The following ZNF608 variants were observed in gnomAD, a reference collection of about 807,000 sequenced individuals.
The protein encoded by ZNF608 is zinc finger protein 608.
ZNF608 carries 12 observed loss-of-function variants against 109.0 expected under a neutral mutation model. The ratio of observed to expected loss-of-function variants is 0.11; its 90% CI spans 0.07 to 0.18. The LOEUF is 0.18. Ranked by LOEUF, ZNF608 falls within the 10% of genes least tolerant of loss-of-function variation. The pLI, the probability that ZNF608 is intolerant of heterozygous loss-of-function variation, is 1.00. For synonymous variants in ZNF608, 732 were observed against 717.4 expected, an observed-to-expected ratio of 1.02 and a Z score of -0.33; for missense variants, 1,707 against 1,879.3, an observed-to-expected ratio of 0.91 and a Z score of 1.70.
At position 124,701,198 on chromosome 5, in the gene ZNF608, G is replaced by A. The variant is rs201535398; in HGVS notation, c.978C>T (p.Pro326=). Reference sequence around the variant, plus strand: ...TGGATGAAGATGGGGAAAAGTAGGAGGGTAGAATCTGAGGCGTGAGACTGC... The same window carrying A: ...TGGATGAAGATGGGGAAAAGTAGGAAGGTAGAATCTGAGGCGTGAGACTGC... ...ISSSLTPQIL[P]SYFSPSSSNI... is the part of the protein sequence containing the mutation. The change falls in exon 3 of 10, where the codon CCC becomes CCT. Residue 326 remains proline, a synonymous_variant. Transcript: ENST00000513986. The A allele has an allele frequency of 1.6e-5, 26 of 1,614,146 alleles. No homozygotes were observed. The highest frequency in any genetic ancestry group is 1.9e-5 in the Non-Finnish European group (22 of 1,180,024).
chr5:124,713,695 A>G (rs6876829), intron 2 of ZNF608, among the ~76,000 whole-genome samples: 27,760 of 148,668 alleles, frequency 0.19, 2,767 homozygotes, highest in Admixed American at 0.28. Context: ...CCATTTACAG[A>G]AAAAATTTGC....
intron 2 of ZNF608, among the ~76,000 whole-genome samples, chr5:124,718,406 C>G (rs1444689020): frequency 6.6e-6 from 1 of 152,168 alleles, no homozygotes; most frequent in Non-Finnish European, 1.5e-5. Flanking sequence ...CAGAATTGTA[C>G]GAACTCTTTG....
At chr5:124,644,168 T>A in intron 6 of ZNF608, 76 bp downstream of exon 6, 1 of 1,330,758 alleles carries the variant, frequency 7.5e-7, no homozygotes, top group Non-Finnish European at 1.0e-6. Flanking sequence ...AGCTTCTAAT[T>A]TATCTTGAGT....
chr5:124,649,900 G>C (rs1002181337), intron 3 of ZNF608, among the ~76,000 whole-genome samples: 1 of 152,192 alleles, frequency 6.6e-6, no homozygotes, highest in Non-Finnish European at 1.5e-5. Flanking sequence ...TTGTGCATTC[G>C]TGCGCGTGCG....
At chr5:124,735,773 T>A (rs1749114379) in intron 2 of ZNF608, among the ~76,000 whole-genome samples, 1 of 152,206 alleles carries the variant, frequency 6.6e-6, no homozygotes, top group Non-Finnish European at 1.5e-5. Context: ...TGGAGTTGGA[T>A]GCGGAGAGGC....
rs1247565459 is a variant in ZNF608 at position 124,744,038 on chromosome 5, GCACA to G, written c.906+42_906+45del. 1 of 1,535,222 alleles carries G rather than the reference GCACA, an allele frequency of 6.5e-7. No homozygotes were observed. Among genetic ancestry groups the G allele is most frequent in the Admixed American group, 2.0e-5 (1 of 49,542 alleles). On this transcript the variant is annotated intron_variant, in intron 2 of 9. Transcript: ENST00000513986. The surrounding 1 kb of genome is among the most constrained non-coding windows in gnomAD (Gnocchi z 4.5). ...CACACCCCCACACACCCACACAAAT[GCACA>G]CAGAGGAGAGTAGGACATCTAGGAA...
intron 2 of ZNF608, among the ~76,000 whole-genome samples, chr5:124,712,006 G>A (rs1259905623): frequency 2.0e-5 from 3 of 152,150 alleles, no homozygotes; most frequent in African/African-American, 7.2e-5. Context: ...CCAATTAGCC[G>A]GGTGTAGGTG....
At position 124,744,789 on chromosome 5, in the gene ZNF608, A is replaced by G. The variant is rs1224768226; in HGVS notation, c.201T>C (p.Gly67=). 1.9e-6 allele frequency: 3 copies of G among 1,614,074 alleles called. No homozygotes were observed. The South Asian group carries it at 3.3e-5, about 18-fold the overall frequency. ...TAGCACCAGCCCCACTGGAGGCCGG[A>G]CCTCCACAATCCTTGGAGTTGCTGC... is the stretch of plus-strand genomic sequence containing the variant. ...TSSSNSKDCG[G]PASSGAGATA... The change falls in exon 2 of 10, where the codon GGT becomes GGC. Residue 67 remains glycine, a synonymous_variant. Transcript: ENST00000513986. This position sits in a 1 kb window ranked among gnomAD's most constrained non-coding sequence, Gnocchi z 4.5.
intron 2 of ZNF608, among the ~76,000 whole-genome samples, chr5:124,703,869 C>T (rs952330895): frequency 2.6e-5 from 4 of 152,170 alleles, no homozygotes; most frequent in Non-Finnish European, 4.4e-5. Flanking sequence ...CTTATTTCAA[C>T]ATAACTCCAT....
At chr5:124,658,715 C>T (rs998613680) in intron 3 of ZNF608, among the ~76,000 whole-genome samples, 1 of 152,092 alleles carries the variant, frequency 6.6e-6, no homozygotes, top group African/African-American at 2.4e-5. Flanking sequence ...CTTCCTCCTC[C>T]CTCTCTTTGT....
In ZNF608 at chr5:124,647,794, G is replaced by C. The variant is rs1323570967; in HGVS notation, c.2590C>G (p.Leu864Val). 4.3e-6 allele frequency: 7 copies of C among 1,614,158 alleles called. No individual in the cohort carries two copies. The highest frequency in any genetic ancestry group is 5.9e-6 in the Non-Finnish European group (7 of 1,179,992). ...LKDHLNKNEG[L>V]ANGLSESQES... ...TGAGACTCCGACAGTCCATTTGCCAGCCCTTCATTCTTGTTGAGATGATCC... is the reference window on the plus strand; with the variant it reads ...TGAGACTCCGACAGTCCATTTGCCACCCCTTCATTCTTGTTGAGATGATCC... The change falls in exon 5 of 10, where the codon CTG becomes GTG. Residue 864 changes from leucine to valine, a missense_variant. Around this residue, in one of 7 missense-constraint regions of ZNF608, gnomAD observed 1,073 missense variants for 1,133.5 expected, o/e 0.95. Coordinates refer to ENST00000513986, the MANE Select transcript of ZNF608 (RefSeq NM_020747.3).
intron 2 of ZNF608, among the ~76,000 whole-genome samples, chr5:124,721,674 GC>G (rs1753909197): frequency 6.6e-6 from 1 of 152,000 alleles, no homozygotes; most frequent in South Asian, 2.1e-4. Context: ...AGTGGCTCAC[GC>G]CTGTAATCTC....
chr5:124,744,991 C>T lies in ZNF608; in HGVS notation c.-2G>A, dbSNP rs779140892. The T allele has an allele frequency of 2.1e-5, 34 of 1,600,824 alleles. No homozygotes were observed. The highest frequency in any genetic ancestry group is 2.6e-5 in the Non-Finnish European group (30 of 1,173,542). ...TGCAGTAGAAATGTTCACTGACATC[C>T]TGAAGATGAGCTCTCTAGAATAAAA... is the stretch of plus-strand genomic sequence containing the variant. On this transcript the variant is annotated 5_prime_UTR_variant, in exon 2 of 10. Coordinates refer to ENST00000513986, the MANE Select transcript of ZNF608 (RefSeq NM_020747.3). This position sits in a 1 kb window ranked among gnomAD's most constrained non-coding sequence, Gnocchi z 4.5.
In ZNF608 at chr5:124,639,869, T is replaced by C. The variant is rs182934959; in HGVS notation, c.4451-655A>G. ...GATTACTGTCTCCTTCTAGGTCTTT[T>C]ATTTGGATATATTTTCTTTTCCCAG... On this transcript the variant is annotated intron_variant, in intron 8 of 9. Transcript: ENST00000513986. Among the ~76,000 whole-genome samples the C allele has an allele frequency of 8.3e-4, 127 of 152,358 alleles. 1 individual carries two copies. In the East Asian group the frequency reaches 0.018, roughly 22 times the overall value.
chr5:124,672,302 C>G (rs1751762273), intron 3 of ZNF608, among the ~76,000 whole-genome samples: 1 of 151,996 alleles, frequency 6.6e-6, no homozygotes, highest in African/African-American at 2.4e-5. Flanking sequence ...GATCTGGATC[C>G]CAAAGGCCAC....
At chr5:124,732,037 C>T (rs945577904) in intron 2 of ZNF608, among the ~76,000 whole-genome samples, 8 of 152,106 alleles carry the variant, frequency 5.3e-5, no homozygotes, top group African/African-American at 1.2e-4. Context: ...TCTTGTTCAC[C>T]GCCCCTCAGA....
At chr5:124,723,682 T>C (rs915841750) in intron 2 of ZNF608, among the ~76,000 whole-genome samples, 1 of 152,178 alleles carries the variant, frequency 6.6e-6, no homozygotes, top group African/African-American at 2.4e-5. Flanking sequence ...AGTGAGACGC[T>C]GACTCCATCA....
intron 2 of ZNF608, among the ~76,000 whole-genome samples, chr5:124,727,652 CAAAAAA>C (rs369834437): frequency 4.9e-5 from 4 of 82,448 alleles, no homozygotes; most frequent in Non-Finnish European, 8.7e-5. Context: ...AAAATCAGAC[CAAAAAA>C]AAAAAAAAAA....
chr5:124,693,462 A>C (rs1464859840), intron 3 of ZNF608, among the ~76,000 whole-genome samples: 1 of 152,210 alleles, frequency 6.6e-6, no homozygotes, highest in Non-Finnish European at 1.5e-5. Context: ...AAAAGTTTTA[A>C]AGTTTTCCAT....
Sources: allele counts gnomAD v4.1 joint callset (sites outside exome capture counted in the v4.1 genomes callset), GRCh38; gene constraint gnomAD v4.1.1; regional missense constraint gnomAD v4.1.1; non-coding constraint Gnocchi (gnomAD v3.1); transcripts MANE v1.5; gene names NCBI Gene and HGNC (gene_info 2026-07-23, HGNC 2026-07-21).